CDH6: variants seen among roughly 807,000 people sequenced by gnomAD.
CDH6 encodes cadherin 6, also known as cadherin-6.
A neutral mutation model predicts 78.0 loss-of-function variants in CDH6; 31 were observed. That is an observed-to-expected ratio of 0.40 (90% CI 0.30 to 0.54). The LOEUF (loss-of-function observed/expected upper bound fraction) is 0.54. CDH6 is among the 20% of genes least tolerant of loss of function. The pLI is 0.56. For synonymous variants in CDH6, 376 were observed against 368.8 expected (o/e 1.02, Z -0.23); for missense variants, 724 against 975.9 (o/e 0.74, Z 3.44).
At chr5:31,268,203 C>A (rs1742415510) in intron 2 of CDH6, among the ~76,000 whole-genome samples, 1 of 152,238 alleles carries the variant, frequency 6.6e-6, no homozygotes, top group Admixed American at 6.5e-5. Flanking sequence ...TCAAAACCCA[C>A]CACTGCCTTA....
At chr5:31,278,719 T>C (rs1237247237) in intron 2 of CDH6, among the ~76,000 whole-genome samples, 1 of 152,180 alleles carries the variant, frequency 6.6e-6, no homozygotes, top group African/African-American at 2.4e-5. Flanking sequence ...AAATTATATG[T>C]AATGACATTC....
At chr5:31,259,046 G>A (rs1049592216) in intron 1 of CDH6, among the ~76,000 whole-genome samples, 7 of 152,168 alleles carry the variant, frequency 4.6e-5, no homozygotes, top group African/African-American at 1.7e-4. Flanking sequence ...CACCTCTCAG[G>A]ATTGTCACGA....
rs1276401648 is a variant in CDH6, at chr5:31,325,013, G to A, written c.*1705G>A. On this transcript the variant is annotated 3_prime_UTR_variant, in exon 12 of 12. Coordinates refer to ENST00000265071, the MANE Select transcript of CDH6 (RefSeq NM_004932.4). ...TATTAATTTTCTACAAATAATTTTAGTGTCATTTCCATTTGGGGATATTGT... is the reference window on the plus strand; with the variant it reads ...TATTAATTTTCTACAAATAATTTTAATGTCATTTCCATTTGGGGATATTGT... The A allele has an allele frequency of 4.8e-6, 1 of 209,342 alleles. No individual in the cohort carries two copies. The highest frequency in any genetic ancestry group is 2.3e-5 in the African/African-American group (1 of 44,048). The allele number at this position is 209,342 out of a possible 1,614,324, so 13.0% of individuals were successfully genotyped here.
intron 1 of CDH6, among the ~76,000 whole-genome samples, chr5:31,224,714 C>CCTCTAAA (rs1741101020): frequency 6.6e-6 from 1 of 152,068 alleles, no homozygotes; most frequent in South Asian, 2.1e-4. Flanking sequence ...CCACCACACC[C>CCTCTAAA]CTCTAAATTT....
intron 11 of CDH6, among the ~76,000 whole-genome samples, chr5:31,319,634 A>T (rs1032434768): frequency 1.3e-5 from 2 of 152,228 alleles, no homozygotes; most frequent in Admixed American, 6.5e-5. Flanking sequence ...TTTCAAACTT[A>T]TGAAATGCAG....
rs1554034975 is a variant in CDH6 at position 31,199,464 on chromosome 5, A to ATATG, written c.-129+5580_-129+5581insTGTA. Among the ~76,000 whole-genome samples, 56 of 8,136 alleles carry ATATG rather than the reference A, an allele frequency of 6.9e-3. 2 individuals are homozygous for ATATG. The East Asian group carries it at 0.16, about 23-fold the overall frequency. The allele number at this position is 8,136 out of a possible 152,430, so 5.3% of individuals were successfully genotyped here. ...TATATACACACACATATGTGTATAT[A>ATATG]TACACACACATATGTGTATATATGT... is the stretch of plus-strand genomic sequence containing the variant. On this transcript the variant is annotated intron_variant, in intron 1 of 11. Coordinates refer to ENST00000265071, the MANE Select transcript of CDH6 (RefSeq NM_004932.4).
chr5:31,260,528 C>T (rs1483573368), intron 1 of CDH6, among the ~76,000 whole-genome samples: 1 of 152,088 alleles, frequency 6.6e-6, no homozygotes, highest in African/African-American at 2.4e-5. Context: ...ATATAAAATG[C>T]CATTTTATGT....
chr5:31,289,659 A>T (rs1743103519), intron 2 of CDH6, among the ~76,000 whole-genome samples: 1 of 152,236 alleles, frequency 6.6e-6, no homozygotes, highest in South Asian at 2.1e-4. Flanking sequence ...TTCTGTCTTA[A>T]CAATGCATAT....
chr5:31,313,505 C>G (rs1429981769), intron 8 of CDH6, 51 bp downstream of exon 8: 3 of 1,531,298 alleles, frequency 2.0e-6, no homozygotes, highest in Non-Finnish European at 2.7e-6. Flanking sequence ...ACTGAGTGTC[C>G]CAGCAAGGGC....
intron 1 of CDH6, among the ~76,000 whole-genome samples, chr5:31,194,489 G>C (rs1395434743): frequency 6.6e-6 from 1 of 152,188 alleles, no homozygotes; most frequent in African/African-American, 2.4e-5. Flanking sequence ...CTGGTAGAAG[G>C]AGCTAAAGAA....
At chr5:31,224,700 C>T (rs12656151) in intron 1 of CDH6, among the ~76,000 whole-genome samples, 10,067 of 152,112 alleles carry the variant, frequency 0.066, 673 homozygotes, top group East Asian at 0.37. Flanking sequence ...ACTACAGGCA[C>T]GTGCCACCAC....
At chr5:31,260,890 G>A (rs544790297) in intron 1 of CDH6, among the ~76,000 whole-genome samples, 1 of 152,190 alleles carries the variant, frequency 6.6e-6, no homozygotes, top group Non-Finnish European at 1.5e-5. Flanking sequence ...AAGACTTCAT[G>A]TGAAATCCCT....
At chr5:31,230,087 T>C (rs1741276542) in intron 1 of CDH6, among the ~76,000 whole-genome samples, 1 of 152,210 alleles carries the variant, frequency 6.6e-6, no homozygotes, top group African/African-American at 2.4e-5. Flanking sequence ...CCTTGCAGAA[T>C]ATCCCAGTTG....
chr5:31,310,338 T>A (rs1232987548), intron 7 of CDH6, among the ~76,000 whole-genome samples: 1 of 152,238 alleles, frequency 6.6e-6, no homozygotes, highest in Non-Finnish European at 1.5e-5. Flanking sequence ...AGGAGTGGGC[T>A]CCCATGGCCT....
chr5:31,239,336 G>T lies in CDH6; in HGVS notation c.-128-28010G>T, dbSNP rs991163385. On this transcript the variant is annotated intron_variant, in intron 1 of 11. Transcript: ENST00000265071. ...GAAGAAATAGAAACTGGATTTCTTG[G>T]CTTCAAGTTCAGACTTATTTTATTG... 5.3e-5 allele frequency among the ~76,000 whole-genome samples: 8 copies of T among 152,226 alleles called. No homozygotes were observed. The East Asian group carries it at 1.5e-3, about 29-fold the overall frequency.
intron 1 of CDH6, among the ~76,000 whole-genome samples, chr5:31,218,702 C>T (rs1487581464): frequency 6.6e-6 from 1 of 152,164 alleles, no homozygotes. Flanking sequence ...TTATTTCCCC[C>T]TGCCCAAACT....
intron 1 of CDH6, among the ~76,000 whole-genome samples, chr5:31,259,756 G>A (rs1048507339): frequency 7.2e-5 from 11 of 152,304 alleles, no homozygotes; most frequent in African/African-American, 2.6e-4. Flanking sequence ...GGGTCCACGT[G>A]CCCAAAGGGC....
chr5:31,313,204 T>G (rs1419871937), intron 7 of CDH6, 114 bp from the exon 8 acceptor site: 2 of 917,666 alleles, frequency 2.2e-6, no homozygotes, highest in Non-Finnish European at 3.2e-6. Flanking sequence ...GGAAAAAAAT[T>G]TATGCCACAG....
intron 1 of CDH6, among the ~76,000 whole-genome samples, chr5:31,254,795 CG>C (rs1382774939): frequency 6.6e-6 from 1 of 152,038 alleles, no homozygotes; most frequent in East Asian, 1.9e-4. Context: ...CAGAGATAAC[CG>C]GATGTATCTT....
Sources: gnomAD v4.1 joint callset for allele counts (sites outside exome capture counted in the v4.1 genomes callset) on GRCh38, gnomAD v4.1.1 for gene constraint, MANE v1.5 for transcripts, NCBI Gene and HGNC (gene_info 2026-07-23, HGNC 2026-07-21) for gene names.